WDR48: variants seen among roughly 807,000 people sequenced by gnomAD.
The protein encoded by WDR48 is WD repeat-containing protein 48.
Under a neutral mutation model 94.0 loss-of-function variants are expected in WDR48, and 22 were observed. The ratio of observed to expected loss-of-function variants is 0.23; its 90% confidence interval spans 0.17 to 0.33. The LOEUF is 0.33. WDR48 is among the 10% of genes least tolerant of loss of function. The probability of loss-of-function intolerance (pLI) is 1.00; values close to 1 mark genes in which losing one functional copy is unlikely to be tolerated. For synonymous variants in WDR48, 278 were observed against 280.5 expected (o/e 0.99, Z 0.09); for missense variants, 541 against 813.8 (o/e 0.66, Z 4.08).
At chr3:39,053,047 C>T (rs1448057665) in intron 1 of WDR48, among the ~76,000 whole-genome samples, 1 of 152,128 alleles carries the variant, frequency 6.6e-6, no homozygotes, top group Non-Finnish European at 1.5e-5. Flanking sequence ...TAGTTATTGC[C>T]ACTTAATATT....
chr3:39,076,845 A>G (rs1312071392), intron 8 of WDR48, among the ~76,000 whole-genome samples: 1 of 152,238 alleles, frequency 6.6e-6, no homozygotes, highest in Non-Finnish European at 1.5e-5. Flanking sequence ...AATTATGGAA[A>G]GTCTTTATCC....
intron 1 of WDR48, among the ~76,000 whole-genome samples, chr3:39,052,962 G>C (rs958282166): frequency 1.1e-4 from 16 of 152,276 alleles, no homozygotes; most frequent in African/African-American, 3.6e-4. Flanking sequence ...CATGGCACAC[G>C]TATACCTATG....
rs77396693 is a variant in WDR48, at chr3:39,055,590, A to C, written c.48+3517A>C. On this transcript the variant is annotated intron_variant, in intron 1 of 18. Coordinates refer to ENST00000302313, the MANE Select transcript of WDR48 (RefSeq NM_020839.4). ...ATGAGTCCATGTCCTACCATCTTCA[A>C]CTTCTAGGAAAACTAGAGATACGAG... Among the ~76,000 whole-genome samples the C allele has an allele frequency of 4.8e-3, 736 of 152,360 alleles. 6 individuals are homozygous for C. The highest frequency in any genetic ancestry group is 0.017 in the African/African-American group (695 of 41,578).
At chr3:39,092,072 A>G (rs540964707) in intron 17 of WDR48, among the ~76,000 whole-genome samples, 2 of 152,332 alleles carry the variant, frequency 1.3e-5, no homozygotes, top group African/African-American at 2.4e-5. Context: ...CAAGCTAGCC[A>G]GGAGGCTAAG....
chr3:39,072,615 T>A (rs987274267), intron 7 of WDR48, among the ~76,000 whole-genome samples: 1 of 152,222 alleles, frequency 6.6e-6, no homozygotes, highest in Non-Finnish European at 1.5e-5. Context: ...GGCTACAGAC[T>A]ATTCCACTAA....
chr3:39,068,693 T>C, intron 5 of WDR48, 78 bp from the exon 6 acceptor site: 1 of 978,160 alleles, frequency 1.0e-6, no homozygotes, highest in Non-Finnish European at 1.6e-6. Context: ...CTAAATTGAA[T>C]AAACTTGCAG....
chr3:39,067,794 G>C (rs74648659), intron 5 of WDR48, among the ~76,000 whole-genome samples: 1 of 152,126 alleles, frequency 6.6e-6, no homozygotes, highest in Non-Finnish European at 1.5e-5. Flanking sequence ...ATAATCTCTT[G>C]ATTGTTGTTT....
intron 2 of WDR48, among the ~76,000 whole-genome samples, chr3:39,064,394 C>T (rs1346469768): frequency 6.6e-6 from 1 of 151,916 alleles, no homozygotes; most frequent in Non-Finnish European, 1.5e-5. Flanking sequence ...CCTGCCTCAG[C>T]CTCCTCAGCA....
intron 4 of WDR48, 52 bp downstream of exon 4, chr3:39,066,682 C>T: frequency 6.2e-7 from 1 of 1,612,934 alleles, no homozygotes; most frequent in South Asian, 1.1e-5. Flanking sequence ...GATCTCAGTA[C>T]TTTGTGTGGC....
intron 7 of WDR48, among the ~76,000 whole-genome samples, chr3:39,072,515 C>T (rs72859521): frequency 0.019 from 2,950 of 152,222 alleles, 100 homozygotes; most frequent in African/African-American, 0.067. Flanking sequence ...GTGACCATCC[C>T]GGGAACACTC....
intron 10 of WDR48, among the ~76,000 whole-genome samples, chr3:39,078,634 G>T (rs1350534441): frequency 6.6e-6 from 1 of 151,886 alleles, no homozygotes; most frequent in Admixed American, 6.5e-5. Flanking sequence ...GGCCAGGCTG[G>T]TCTCAAACTC....
intron 11 of WDR48, among the ~76,000 whole-genome samples, chr3:39,080,048 G>A (rs367695491): frequency 1.1e-4 from 16 of 151,634 alleles, no homozygotes; most frequent in African/African-American, 3.6e-4. Context: ...CTTATATGCT[G>A]CCTTACCTTA....
chr3:39,052,460 A>AG (rs1173476228), intron 1 of WDR48: 3 of 195,812 alleles, frequency 1.5e-5, no homozygotes, highest in Non-Finnish European at 3.2e-5. Flanking sequence ...GGGGTTTCCC[A>AG]GGGGGGTGGG....
At chr3:39,092,740 CAG>C (rs1391608867) in intron 17 of WDR48, among the ~76,000 whole-genome samples, 2 of 152,082 alleles carry the variant, frequency 1.3e-5, no homozygotes, top group African/African-American at 2.4e-5. Flanking sequence ...CTTTTTATTA[CAG>C]AGATTTCCAA....
chr3:39,063,214 A>AC, intron 2 of WDR48, 24 bp downstream of exon 2: 1 of 1,609,278 alleles, frequency 6.2e-7, no homozygotes, highest in South Asian at 1.1e-5. Flanking sequence ...TAAAATCTGT[A>AC]CCCAGCAAAT....
intron 1 of WDR48, among the ~76,000 whole-genome samples, chr3:39,058,517 T>C (rs2033043216): frequency 6.6e-6 from 1 of 152,138 alleles, no homozygotes; most frequent in Non-Finnish European, 1.5e-5. Context: ...GATATCAAGA[T>C]TTAGATATGC....
Position 39,093,969 on chromosome 3 carries a change from C to T in WDR48, c.1841C>T (p.Thr614Ile). The change falls in exon 18 of 19, where the codon ACT becomes ATT. Residue 614 changes from threonine to isoleucine, a missense_variant. Thr to Ile is a moderately conservative substitution (Grantham distance 89). Transcript: ENST00000302313. ...IINLDNESQTTSSSNNEKPGE... is the reference protein window; with the variant it reads ...IINLDNESQTISSSNNEKPGE... ...AACTTGGATAATGAGTCTCAAACCA[C>T]TAGCTCTTCTAATAATGAAAAACCA... The T allele has an allele frequency of 6.2e-7, 1 of 1,614,080 alleles. No individual in the cohort carries two copies. Among genetic ancestry groups the T allele is most frequent in the Non-Finnish European group, 8.5e-7 (1 of 1,180,006 alleles).
intron 1 of WDR48, among the ~76,000 whole-genome samples, chr3:39,056,991 T>A: frequency 6.6e-6 from 1 of 150,814 alleles, no homozygotes; most frequent in Non-Finnish European, 1.5e-5. Context: ...AATAAAGGGG[T>A]GGGGGTGAGT....
chr3:39,071,974 T>C (rs1203391456), intron 7 of WDR48, among the ~76,000 whole-genome samples: 2 of 152,240 alleles, frequency 1.3e-5, no homozygotes, highest in Non-Finnish European at 2.9e-5. Context: ...TCTTGTAATA[T>C]GGAAGAGGTG....
Sources: gnomAD v4.1 joint callset for allele counts (sites outside exome capture counted in the v4.1 genomes callset) on GRCh38, gnomAD v4.1.1 for gene constraint, MANE v1.5 for transcripts, NCBI Gene and HGNC (gene_info 2026-07-23, HGNC 2026-07-21) for gene names.